The following CADPS variants were observed in gnomAD, a reference collection of about 807,000 sequenced individuals.
CADPS encodes the protein calcium-dependent secretion activator 1.
Under a neutral mutation model 167.3 loss-of-function variants are expected in CADPS, and 57 were observed. The observed-to-expected ratio is 0.34, with a 90% CI of 0.28 to 0.42. The LOEUF (loss-of-function observed/expected upper bound fraction) is 0.42. Ranked by LOEUF, CADPS falls within the 20% of genes least tolerant of loss-of-function variation. The pLI, the probability that CADPS is intolerant of heterozygous loss-of-function variation, is 1.00. For synonymous variants in CADPS, 676 were observed against 635.3 expected, an observed-to-expected ratio of 1.06 and a Z score of -0.96; for missense variants, 1,414 against 1,738.1, an observed-to-expected ratio of 0.81 and a Z score of 3.32.
At chr3:62,638,455 A>G (rs1454437223) in intron 6 of CADPS, among the ~76,000 whole-genome samples, 4 of 152,172 alleles carry the variant, frequency 2.6e-5, no homozygotes, top group Non-Finnish European at 5.9e-5. Flanking sequence ...AAAACAGTCC[A>G]GTTCTTAGAT....
intron 17 of CADPS, among the ~76,000 whole-genome samples, chr3:62,504,509 G>A (rs1174532926): frequency 4.6e-5 from 7 of 152,106 alleles, no homozygotes; most frequent in African/African-American, 7.2e-5. Context: ...ACAATAAGGC[G>A]CCTCTGGGTT....
At chr3:62,506,702 C>T (rs1326247569) in intron 17 of CADPS, among the ~76,000 whole-genome samples, 1 of 152,098 alleles carries the variant, frequency 6.6e-6, no homozygotes, top group African/African-American at 2.4e-5. Flanking sequence ...CAGGGGAAGC[C>T]ACATGAGCTA....
Position 62,874,471 on chromosome 3 carries a change from GGC to G in CADPS, c.441+116_441+117del, listed in dbSNP as rs2083284340. ...GGGGGCCTCGTAGCCCTTTCCCCAG[GGC>G]GCGGTCTCCACCTCTCCTGCTCCTC... On this transcript the variant is annotated intron_variant, in intron 1 of 29. Transcript: ENST00000383710. The surrounding 1 kb of genome is among the most constrained non-coding windows in gnomAD (Gnocchi z 7.1). 8.3e-5 allele frequency: 63 copies of G among 756,900 alleles called. No homozygotes were observed. The South Asian group carries it at 1.1e-3, about 14-fold the overall frequency. The allele number at this position is 756,900 out of a possible 1,614,324, so 46.9% of individuals were successfully genotyped here. A position where few individuals can be genotyped will look rare whatever the true frequency, so the allele number is the denominator to read the frequency against.
Position 62,738,901 on chromosome 3 carries a change from G to A in CADPS, c.888+14540C>T, listed in dbSNP as rs573534083. On this transcript the variant is annotated intron_variant, in intron 3 of 29. Coordinates refer to ENST00000383710, the MANE Select transcript of CADPS (RefSeq NM_003716.4). ...TTACTAAAATAAATTGGTAAAATAA[G>A]TTGGGCATATATTGGCTTTAAACAA... Among the ~76,000 whole-genome samples, 9 of 152,226 alleles carry A rather than the reference G, an allele frequency of 5.9e-5. 1 individual carries two copies. The South Asian group carries it at 1.5e-3, about 25-fold the overall frequency.
chr3:62,522,131 A>G (rs945079236), intron 13 of CADPS, among the ~76,000 whole-genome samples: 1 of 151,500 alleles, frequency 6.6e-6, no homozygotes, highest in Non-Finnish European at 1.5e-5. Context: ...CTATCTATCT[A>G]TCTATCTATC....
In CADPS at chr3:62,459,858, C is replaced by A. The variant is rs571110267; in HGVS notation, c.3636+5509G>T. ...AAAATGAATGATTATCTGGACAGCA[C>A]AAAGGAAGTGGAGAATTTTGAATGT... is the stretch of plus-strand genomic sequence containing the variant. On this transcript the variant is annotated intron_variant, in intron 26 of 29. Coordinates refer to ENST00000383710, the MANE Select transcript of CADPS (RefSeq NM_003716.4). 9.8e-5 allele frequency among the ~76,000 whole-genome samples: 15 copies of A among 152,292 alleles called. No homozygotes were observed. The South Asian group carries it at 1.5e-3, about 15-fold the overall frequency.
At chr3:62,518,961 C>A (rs375301408) in intron 13 of CADPS, among the ~76,000 whole-genome samples, 1 of 152,014 alleles carries the variant, frequency 6.6e-6, no homozygotes, top group African/African-American at 2.4e-5. Context: ...TAAAAAGGAC[C>A]CCAGCTTAAA....
rs1283900781 is a variant in CADPS at position 62,578,609 on chromosome 3, CAAAAAAATA to C, written c.1577+6567_1577+6575del. 1.5e-4 allele frequency among the ~76,000 whole-genome samples: 10 copies of C among 66,966 alleles called. 1 individual carries two copies. Among genetic ancestry groups the C allele is most frequent in the East Asian group, 7.2e-4 (1 of 1,390 alleles). 43.9% of individuals were successfully genotyped at this position (66,966 alleles called of 152,430 possible). On this transcript the variant is annotated intron_variant, in intron 8 of 29. Coordinates refer to ENST00000383710, the MANE Select transcript of CADPS (RefSeq NM_003716.4). ...TGGGTGACAGAGCAAGACTCCGTCT[CAAAAAAATA>C]AAAAAAAAAAAAAGACTTAACAATC...
At chr3:62,537,914 CGTT>C (rs2075025983) in intron 11 of CADPS, among the ~76,000 whole-genome samples, 2 of 150,268 alleles carry the variant, frequency 1.3e-5, no homozygotes, top group Admixed American at 6.6e-5. Context: ...TTTAAAAAAA[CGTT>C]GTCATTTTTC....
At chr3:62,609,106 A>C (rs1191463633) in intron 6 of CADPS, among the ~76,000 whole-genome samples, 2 of 152,206 alleles carry the variant, frequency 1.3e-5, no homozygotes, top group South Asian at 2.1e-4. Context: ...AATGCATTTG[A>C]CAATAACAAA....
intron 8 of CADPS, among the ~76,000 whole-genome samples, chr3:62,574,612 CAT>C (rs2081934667): frequency 6.6e-6 from 1 of 152,268 alleles, no homozygotes; most frequent in African/African-American, 2.4e-5. Flanking sequence ...AGTAAATAGA[CAT>C]AAGAGGGAGG....
At chr3:62,765,727 A>T (rs1374732873) in intron 2 of CADPS, 144 bp downstream of exon 2, 1 of 535,150 alleles carries the variant, frequency 1.9e-6, no homozygotes, top group African/African-American at 1.9e-5. Flanking sequence ...ATTTCTTAAC[A>T]TTGTAACGAA....
At chr3:62,405,465 T>G (rs199955806) in intron 28 of CADPS, among the ~76,000 whole-genome samples, 3 of 136,614 alleles carry the variant, frequency 2.2e-5, no homozygotes, top group Non-Finnish European at 4.9e-5. Context: ...AAAAAAAAAA[T>G]AAAATAACGC....
intron 1 of CADPS, among the ~76,000 whole-genome samples, chr3:62,827,725 A>G (rs987723302): frequency 4.5e-4 from 69 of 152,250 alleles, no homozygotes; most frequent in African/African-American, 1.7e-3. Context: ...AATCAAAACA[A>G]CCATCTTGTT....
At chr3:62,861,971 C>G (rs936540930) in intron 1 of CADPS, among the ~76,000 whole-genome samples, 8 of 151,874 alleles carry the variant, frequency 5.3e-5, no homozygotes, top group South Asian at 2.1e-4. Context: ...GTTCAAATAC[C>G]ACTTCTTCCA....
chr3:62,571,073 C>T (rs2081202941), intron 8 of CADPS, 135 bp from the exon 9 acceptor site: 1 of 676,626 alleles, frequency 1.5e-6, no homozygotes, highest in African/African-American at 1.8e-5. Flanking sequence ...GATTTTGGAG[C>T]TCTGTGGTTG....
At chr3:62,457,972 C>A (rs1361547285) in intron 26 of CADPS, among the ~76,000 whole-genome samples, 3 of 152,110 alleles carry the variant, frequency 2.0e-5, no homozygotes, top group African/African-American at 7.2e-5. Context: ...AGAAGAAATA[C>A]CTAATGTAGA....
chr3:62,826,877 G>T lies in CADPS; in HGVS notation c.441+47712C>A, dbSNP rs557392046. ...ATTCCTTCCTTGAAAGGGGTGGACAGGTTGTGGGGAAAAGATCTTTGTTGG... is the reference window on the plus strand; with the variant it reads ...ATTCCTTCCTTGAAAGGGGTGGACATGTTGTGGGGAAAAGATCTTTGTTGG... On this transcript the variant is annotated intron_variant, in intron 1 of 29. Coordinates refer to ENST00000383710, the MANE Select transcript of CADPS (RefSeq NM_003716.4). Among the ~76,000 whole-genome samples the T allele has an allele frequency of 2.0e-5, 3 of 152,312 alleles. No individual in the cohort carries two copies. The East Asian group carries it at 5.8e-4, about 29-fold the overall frequency.
At chr3:62,849,203 A>G (rs1375098659) in intron 1 of CADPS, among the ~76,000 whole-genome samples, 1 of 149,758 alleles carries the variant, frequency 6.7e-6, no homozygotes, top group Non-Finnish European at 1.5e-5. Flanking sequence ...TTCTAGATAA[A>G]CAATCATGTC....
Sources: allele counts gnomAD v4.1 joint callset (sites outside exome capture counted in the v4.1 genomes callset), GRCh38; gene constraint gnomAD v4.1.1; non-coding constraint Gnocchi (gnomAD v3.1); transcripts MANE v1.5; gene names NCBI Gene and HGNC (gene_info 2026-07-23, HGNC 2026-07-21).